Variants in SCFD2 observed in about 807,000 individuals in gnomAD.
SCFD2 encodes the protein sec1 family domain containing 2, also known as sec1 family domain-containing protein 2.
Under a neutral mutation model 58.9 loss-of-function variants are expected in SCFD2, and 54 were observed. The observed-to-expected ratio is 0.92, with a 90% CI of 0.74 to 1.15. The LOEUF (loss-of-function observed/expected upper bound fraction) is 1.15. Among genes scored for constraint, SCFD2 ranks in the 50% most tolerant of loss-of-function variants. The pLI is 0.00. For missense variants in SCFD2, 805 were observed against 836.6 expected (o/e 0.96, Z 0.47); for synonymous variants, 321 against 335.9 (o/e 0.96, Z 0.49).
At chr4:53,154,245 T>A (rs1164242126) in intron 4 of SCFD2, among the ~76,000 whole-genome samples, 1 of 152,212 alleles carries the variant, frequency 6.6e-6, no homozygotes, top group African/African-American at 2.4e-5. Flanking sequence ...CTCTCACAGT[T>A]CTGCAGGCTG....
At chr4:53,250,960 G>A (rs186672868) in intron 4 of SCFD2, among the ~76,000 whole-genome samples, 2 of 152,104 alleles carry the variant, frequency 1.3e-5, no homozygotes, top group African/African-American at 2.4e-5. Context: ...CCAGGAGCTG[G>A]TTTTTTGAAA....
At chr4:52,916,688 G>T (rs908289621) in intron 6 of SCFD2, among the ~76,000 whole-genome samples, 1 of 152,204 alleles carries the variant, frequency 6.6e-6, no homozygotes, top group African/African-American at 2.4e-5. Flanking sequence ...ACAAATGGGT[G>T]TCAGCAATCA....
intron 4 of SCFD2, among the ~76,000 whole-genome samples, chr4:53,237,374 G>C (rs1446629706): frequency 6.6e-6 from 1 of 151,514 alleles, no homozygotes; most frequent in Non-Finnish European, 1.5e-5. Context: ...CAGACGGGGT[G>C]GTGGCCGGGC....
intron 5 of SCFD2, among the ~76,000 whole-genome samples, chr4:53,125,273 T>C (rs1025377772): frequency 2.0e-5 from 3 of 152,178 alleles, no homozygotes; most frequent in African/African-American, 7.2e-5. Flanking sequence ...GAAAATAACT[T>C]ATGATAGAGA....
At position 53,147,776 on chromosome 4, in the gene SCFD2, T is replaced by A. The variant is rs756296430; in HGVS notation, c.1312-2194A>T. 3.3e-5 allele frequency among the ~76,000 whole-genome samples: 5 copies of A among 152,320 alleles called. No individual in the cohort carries two copies. The East Asian group carries it at 5.8e-4, about 18-fold the overall frequency. On this transcript the variant is annotated intron_variant, in intron 4 of 8. Coordinates refer to ENST00000401642, the MANE Select transcript of SCFD2 (RefSeq NM_152540.4). ...ATATACTACCACTAATGACAGATGA[T>A]GAGTTTTTTAAAAATTGCAAAAGAA...
At chr4:53,243,795 G>C (rs1175000595) in intron 4 of SCFD2, among the ~76,000 whole-genome samples, 1 of 152,116 alleles carries the variant, frequency 6.6e-6, no homozygotes, top group African/African-American at 2.4e-5. Context: ...AAGGGATGGA[G>C]AAAAATCTAC....
chr4:53,322,962 G>C (rs1232221330), intron 2 of SCFD2, among the ~76,000 whole-genome samples: 1 of 152,196 alleles, frequency 6.6e-6, no homozygotes, highest in Non-Finnish European at 1.5e-5. Flanking sequence ...AGAAGCAAAT[G>C]TATCTGCCTG....
At chr4:53,278,782 C>T (rs891817574) in intron 3 of SCFD2, among the ~76,000 whole-genome samples, 2 of 151,710 alleles carry the variant, frequency 1.3e-5, no homozygotes, top group African/African-American at 2.4e-5. Context: ...CATGACACTA[C>T]TCCTTCGTTA....
chr4:52,954,991 G>A lies in SCFD2; in HGVS notation c.1562-34121C>T, dbSNP rs183722377. On this transcript the variant is annotated intron_variant, in intron 5 of 8. Transcript: ENST00000401642. ...TCCACCCACCCCTCCTGCTCCTGAC[G>A]TCAAGCCGTCTCCCACACAGTACCC... Among the ~76,000 whole-genome samples the A allele has an allele frequency of 1.2e-3, 183 of 152,210 alleles. 1 individual carries two copies. Among genetic ancestry groups the A allele is most frequent in the African/African-American group, 4.1e-3 (172 of 41,526 alleles).
chr4:53,247,694 C>T (rs187873336), intron 4 of SCFD2, among the ~76,000 whole-genome samples: 5,286 of 150,826 alleles, frequency 0.035, 124 homozygotes, highest in Non-Finnish European at 0.053. Context: ...CCCGTCTCTA[C>T]TAAAAAAATA....
intron 5 of SCFD2, among the ~76,000 whole-genome samples, chr4:53,127,428 C>T (rs1278076023): frequency 2.0e-5 from 3 of 152,172 alleles, no homozygotes; most frequent in Non-Finnish European, 4.4e-5. Context: ...CCCCAACCCC[C>T]AGCACAACTG....
intron 5 of SCFD2, among the ~76,000 whole-genome samples, chr4:52,952,220 C>T (rs1378645897): frequency 2.0e-5 from 3 of 151,582 alleles, no homozygotes; most frequent in Non-Finnish European, 4.4e-5. Context: ...TATCCCCTCT[C>T]ACCTCCCCAT....
At chr4:53,082,932 T>C (rs747870159) in intron 5 of SCFD2, among the ~76,000 whole-genome samples, 93 of 151,578 alleles carry the variant, frequency 6.1e-4, no homozygotes, top group Non-Finnish European at 1.2e-3. Flanking sequence ...TTTCTCAGCC[T>C]CTATAATCAC....
intron 5 of SCFD2, among the ~76,000 whole-genome samples, chr4:53,036,916 A>G (rs989444625): frequency 3.3e-5 from 5 of 152,160 alleles, no homozygotes; most frequent in African/African-American, 1.2e-4. Flanking sequence ...ATAAGAAAAG[A>G]AAACAGCTCA....
chr4:53,291,330 C>T (rs1488282267), intron 3 of SCFD2, among the ~76,000 whole-genome samples: 1 of 151,886 alleles, frequency 6.6e-6, no homozygotes, highest in African/African-American at 2.4e-5. Context: ...TTTACACCAA[C>T]AACAGACAAG....
chr4:53,116,334 G>A (rs957164771), intron 5 of SCFD2, among the ~76,000 whole-genome samples: 2 of 152,172 alleles, frequency 1.3e-5, no homozygotes, highest in Non-Finnish European at 2.9e-5. Flanking sequence ...CTAAGCTGAT[G>A]AAGGCCCACC....
intron 2 of SCFD2, among the ~76,000 whole-genome samples, chr4:53,328,898 C>T (rs1007110828): frequency 1.9e-4 from 29 of 152,298 alleles, no homozygotes; most frequent in African/African-American, 6.7e-4. Flanking sequence ...GCACCATGCG[C>T]GAGCCGAAGC....
chr4:53,212,480 A>AAAT (rs1553887107), intron 4 of SCFD2, among the ~76,000 whole-genome samples: 1 of 150,408 alleles, frequency 6.6e-6, no homozygotes, highest in Non-Finnish European at 1.5e-5. Flanking sequence ...AAAAATAAAT[A>AAAT]AATAATAATA....
intron 3 of SCFD2, among the ~76,000 whole-genome samples, chr4:53,305,795 T>C (rs1732496829): frequency 1.3e-5 from 2 of 152,310 alleles, no homozygotes; most frequent in African/African-American, 4.8e-5. Context: ...AGGAACTCTT[T>C]AGGTTTTTAA....
Sources: gnomAD v4.1 joint callset for allele counts (sites outside exome capture counted in the v4.1 genomes callset) on GRCh38, gnomAD v4.1.1 for gene constraint, MANE v1.5 for transcripts, NCBI Gene and HGNC (gene_info 2026-07-23, HGNC 2026-07-21) for gene names.